NPAT: variants seen among roughly 807,000 people sequenced by gnomAD.
The protein encoded by NPAT is protein NPAT.
NPAT carries 52 observed loss-of-function variants against 130.7 expected under a neutral mutation model. The observed-to-expected ratio is 0.40, with a 90% CI of 0.32 to 0.50. NPAT has a LOEUF of 0.50. Among genes scored for constraint, NPAT ranks in the 20% least tolerant of loss-of-function variants. The probability of loss-of-function intolerance (pLI) is 0.68; values close to 1 mark genes in which losing one functional copy is unlikely to be tolerated. For missense variants in NPAT, 1,687 were observed against 1,662.6 expected (o/e 1.01, Z -0.26); for synonymous variants, 580 against 584.8 (o/e 0.99, Z 0.12).
chr11:108,185,807 T>TTGCAGTG (rs1445695922), intron 8 of NPAT, among the ~76,000 whole-genome samples: 1 of 152,232 alleles, frequency 6.6e-6, no homozygotes, highest in Non-Finnish European at 1.5e-5. Context: ...CTCAGTTCAC[T>TTGCAGTG]GCAACCTCCA....
At chr11:108,196,983 A>G (rs1198060019) in intron 2 of NPAT, among the ~76,000 whole-genome samples, 1 of 152,186 alleles carries the variant, frequency 6.6e-6, no homozygotes, top group Non-Finnish European at 1.5e-5. Flanking sequence ...TCTGTTTTAT[A>G]TTTGTCTAAA....
chr11:108,206,586 C>T (rs1203535284), intron 1 of NPAT, among the ~76,000 whole-genome samples: 2 of 152,074 alleles, frequency 1.3e-5, no homozygotes, highest in East Asian at 1.9e-4. Context: ...ATCCCAGAGC[C>T]CCAAAGAGGG....
rs761771125 is a variant in NPAT at position 108,172,867 on chromosome 11, A to G, written c.2117T>C (p.Val706Ala). The change falls in exon 13 of 18, where the codon GTG becomes GCG. Residue 706 changes from valine (V) to alanine (A), a missense_variant. Transcript: ENST00000278612. ...ENSHSLPPESVCSSVGDSHPE... is the reference protein window; with the variant it reads ...ENSHSLPPESACSSVGDSHPE... ...GTGAGAATCTCCCACTGAAGAACAC[A>G]CAGATTCTGGAGGAAGAGAGTGACT... The G allele has an allele frequency of 2.5e-6, 4 of 1,613,986 alleles. No homozygotes were observed. The African/African-American group carries it at 5.3e-5, about 22-fold the overall frequency.
intron 6 of NPAT, 70 bp from the exon 7 acceptor site, chr11:108,188,249 A>T: frequency 9.1e-7 from 1 of 1,096,916 alleles, no homozygotes. Flanking sequence ...AATGGGATAA[A>T]AAGCATTAGT....
chr11:108,213,107 C>T (rs1298358990), intron 1 of NPAT, among the ~76,000 whole-genome samples: 6 of 152,068 alleles, frequency 3.9e-5, no homozygotes, highest in African/African-American at 1.4e-4. Context: ...AACCCTGGTG[C>T]TACTAAAAAT....
chr11:108,221,686 C>T (rs1244933424), intron 1 of NPAT, among the ~76,000 whole-genome samples: 1 of 152,120 alleles, frequency 6.6e-6, no homozygotes, highest in East Asian at 1.9e-4. Flanking sequence ...ATACGACGTC[C>T]GTAAATTACT....
In NPAT at chr11:108,157,878, C is replaced by G. The variant is rs1427873020; in HGVS notation, c.*1064G>C. ...CTCATCTCTCACTCTCCTTAAGGACCTTTTGAGAGAAACTCTTTGTAACAC... is the reference window on the plus strand; with the variant it reads ...CTCATCTCTCACTCTCCTTAAGGACGTTTTGAGAGAAACTCTTTGTAACAC... On this transcript the variant is annotated 3_prime_UTR_variant, in exon 18 of 18. Coordinates refer to ENST00000278612, the MANE Select transcript of NPAT (RefSeq NM_002519.3). 1 of 152,394 alleles carries G rather than the reference C, an allele frequency of 6.6e-6. No individual in the cohort carries two copies. The highest frequency in any genetic ancestry group is 1.5e-5 in the Non-Finnish European group (1 of 67,920). 9.4% of individuals were successfully genotyped at this position (152,394 alleles called of 1,614,324 possible).
At chr11:108,216,442 T>C (rs900832392) in intron 1 of NPAT, among the ~76,000 whole-genome samples, 8 of 151,700 alleles carry the variant, frequency 5.3e-5, no homozygotes, top group Admixed American at 1.3e-4. Flanking sequence ...CAGATACACA[T>C]GATATATAAA....
chr11:108,209,887 T>G (rs2078367509), intron 1 of NPAT, among the ~76,000 whole-genome samples: 1 of 22,524 alleles, frequency 4.4e-5, no homozygotes, highest in Non-Finnish European at 7.7e-5. Context: ...AGACTTCATC[T>G]CAAAAAAAAA....
chr11:108,217,698 T>C (rs1200373695), intron 1 of NPAT, among the ~76,000 whole-genome samples: 1 of 152,054 alleles, frequency 6.6e-6, no homozygotes, highest in East Asian at 1.9e-4. Context: ...AATCCAAATA[T>C]GATGAAAATA....
At chr11:108,192,485 T>C (rs2078179314) in intron 3 of NPAT, among the ~76,000 whole-genome samples, 1 of 152,228 alleles carries the variant, frequency 6.6e-6, no homozygotes, top group Non-Finnish European at 1.5e-5. Flanking sequence ...AGAAACAATT[T>C]TTTGATCTTT....
chr11:108,164,956 A>G (rs1318031849), intron 15 of NPAT, among the ~76,000 whole-genome samples: 1 of 152,178 alleles, frequency 6.6e-6, no homozygotes, highest in Non-Finnish European at 1.5e-5. Flanking sequence ...GGTTGCAGAG[A>G]GCTGAGACTG....
At position 108,176,993 on chromosome 11, in the gene NPAT, C is replaced by T. The variant is rs1357094911; in HGVS notation, c.1003+1G>A. 2 of 1,587,924 alleles carry T rather than the reference C, an allele frequency of 1.3e-6. No homozygotes were observed. The highest frequency in any genetic ancestry group is 1.7e-6 in the Non-Finnish European group (2 of 1,156,436). ...TGTCTTGAAATAAATAGTCTCCTTA[C>T]CATAGTCAAAGAGATCAAAGAGTGC... On this transcript the variant is annotated splice_donor_variant, in intron 11 of 17. Coordinates refer to ENST00000278612, the MANE Select transcript of NPAT (RefSeq NM_002519.3). LOFTEE classifies it high-confidence loss of function.
chr11:108,221,931 T>C (rs1038473844), intron 1 of NPAT, among the ~76,000 whole-genome samples: 5 of 152,148 alleles, frequency 3.3e-5, no homozygotes, highest in Non-Finnish European at 7.3e-5. Context: ...GAACAGGAAT[T>C]GCTGTTTTAA....
chr11:108,162,997 A>G lies in NPAT; in HGVS notation c.3011-817T>C, dbSNP rs371344537. Among the ~76,000 whole-genome samples, 14 of 152,348 alleles carry G rather than the reference A, an allele frequency of 9.2e-5. 1 individual carries two copies. The South Asian group carries it at 2.9e-3, about 32-fold the overall frequency. The stretch of plus-strand genomic sequence containing the variant: ...GATATCAAAACTAGAAAGAAGAGCA[A>G]AGATGAGATTATGAAGAAACTTACA... On this transcript the variant is annotated intron_variant, in intron 15 of 17. Transcript: ENST00000278612.
At chr11:108,187,318 G>A (rs572634272) in intron 7 of NPAT, among the ~76,000 whole-genome samples, 21 of 152,236 alleles carry the variant, frequency 1.4e-4, no homozygotes, top group African/African-American at 4.6e-4. Flanking sequence ...TGGGTGTGGC[G>A]GCATGTGCCT....
rs113863245 is a variant in NPAT, at chr11:108,168,889, C to T, written c.3010+855G>A. On this transcript the variant is annotated intron_variant, in intron 15 of 17. Transcript: ENST00000278612. ...GTGGTAAGAGATGAGATGGAGAGGT[C>T]GAGAGTGACTAGATGACAAATGTAT... Among the ~76,000 whole-genome samples, 1,177 of 152,050 alleles carry T rather than the reference C, an allele frequency of 7.7e-3. 8 individuals are homozygous for T. Among genetic ancestry groups the T allele is most frequent in the African/African-American group, 0.024 (1,005 of 41,474 alleles).
rs181768850 is a variant in NPAT at position 108,189,478 on chromosome 11, C to T, written c.332-148G>A. On this transcript the variant is annotated intron_variant, in intron 5 of 17. Transcript: ENST00000278612. The stretch of plus-strand genomic sequence containing the variant: ...CCTAAATATATCAACTAAATTTATG[C>T]GACTTTCAGAAGAAACTAAAATGAA... 2,679 of 703,834 alleles carry T rather than the reference C, an allele frequency of 3.8e-3. 12 individuals are homozygous for T. The highest frequency in any genetic ancestry group is 8.3e-3 in the Middle Eastern group (23 of 2,780). The allele number at this position is 703,834 out of a possible 1,614,324, so 43.6% of individuals were successfully genotyped here.
chr11:108,184,691 C>T (rs933856495), intron 10 of NPAT, among the ~76,000 whole-genome samples: 4 of 152,018 alleles, frequency 2.6e-5, no homozygotes, highest in African/African-American at 9.7e-5. Flanking sequence ...TCATGATGCC[C>T]ATATAATTTT....
Sources: gnomAD v4.1 joint callset for allele counts (sites outside exome capture counted in the v4.1 genomes callset) on GRCh38, gnomAD v4.1.1 for gene constraint, MANE v1.5 for transcripts, NCBI Gene and HGNC (gene_info 2026-07-23, HGNC 2026-07-21) for gene names.